RC3H1: variants seen among roughly 807,000 people sequenced by gnomAD.
RC3H1 encodes ring finger and CCCH-type domains 1, also known as roquin-1.
Under a neutral mutation model 138.2 loss-of-function variants are expected in RC3H1, and 50 were observed. The observed-to-expected ratio is 0.36, with a 90% CI of 0.29 to 0.46. The LOEUF is 0.46. RC3H1 is among the 20% of genes least tolerant of loss of function. The pLI, the probability that RC3H1 is intolerant of heterozygous loss-of-function variation, is 1.00. For synonymous variants in RC3H1, 462 were observed against 489.1 expected (o/e 0.94, Z 0.73); for missense variants, 1,031 against 1,388.1 (o/e 0.74, Z 4.09).
At chr1:173,990,890 C>T (rs1038553885) in intron 2 of RC3H1, among the ~76,000 whole-genome samples, 25 of 152,226 alleles carry the variant, frequency 1.6e-4, no homozygotes, top group Non-Finnish European at 3.2e-4. Context: ...GCGTGAACCA[C>T]TGTGCCTGGC....
chr1:173,967,833 T>G (rs1288285691), intron 9 of RC3H1, among the ~76,000 whole-genome samples: 1 of 152,202 alleles, frequency 6.6e-6, no homozygotes, highest in Non-Finnish European at 1.5e-5. Flanking sequence ...GATGCTGGGT[T>G]GCAGTTCTTA....
In RC3H1 at chr1:173,961,176, T is replaced by C; in HGVS notation, c.2271A>G (p.Arg757=). 6.2e-7 allele frequency: 1 copy of C among 1,614,106 alleles called. No individual in the cohort carries two copies. The highest frequency in any genetic ancestry group is 8.5e-7 in the Non-Finnish European group (1 of 1,180,002). The part of the protein sequence containing the change: ...PHPSLDELHR[R]RKEIMAQLEE... ...CTAGCTGGGCCATTATTTCCTTTCGTCGGCGATGTAGTTCATCTAGACTAG... is the reference window on the plus strand; with the variant it reads ...CTAGCTGGGCCATTATTTCCTTTCGCCGGCGATGTAGTTCATCTAGACTAG... The change falls in exon 13 of 20, where the codon CGA becomes CGG. Residue 757 remains arginine (R), a synonymous_variant. Coordinates refer to ENST00000367696, the MANE Select transcript of RC3H1 (RefSeq NM_172071.4).
intron 13 of RC3H1, among the ~76,000 whole-genome samples, chr1:173,956,203 AC>A (rs1659641518): frequency 6.6e-6 from 1 of 151,794 alleles, no homozygotes; most frequent in Admixed American, 6.6e-5. Context: ...AATGCTACCT[AC>A]CTACCAGTCA....
chr1:174,013,642 A>G (rs1661808807), intron 1 of RC3H1, among the ~76,000 whole-genome samples: 1 of 152,038 alleles, frequency 6.6e-6, no homozygotes, highest in Non-Finnish European at 1.5e-5. Context: ...GGGTTTCACC[A>G]TGTTGGCCAG....
chr1:173,971,004 C>T (rs1432181321), intron 8 of RC3H1, among the ~76,000 whole-genome samples: 4 of 150,056 alleles, frequency 2.7e-5, no homozygotes, highest in African/African-American at 4.9e-5. Flanking sequence ...CTCTGTTGCC[C>T]GGGCTGGAGG....
chr1:173,953,117 C>T (rs892332438), intron 13 of RC3H1, among the ~76,000 whole-genome samples: 1 of 152,142 alleles, frequency 6.6e-6, no homozygotes, highest in African/African-American at 2.4e-5. Flanking sequence ...ACTAATATCA[C>T]TCATTGTCAA....
Position 173,935,136 on chromosome 1 carries a change from T to C in RC3H1, c.*3585A>G, listed in dbSNP as rs1658527388. 1 of 152,228 alleles carries C rather than the reference T, an allele frequency of 6.6e-6. No homozygotes were observed. The highest frequency in any genetic ancestry group is 1.5e-5 in the Non-Finnish European group (1 of 68,034). The allele number at this position is 152,228 out of a possible 1,614,324, so 9.4% of individuals were successfully genotyped here. ...CTAGAAATCTAGCTAACTCTTCTTT[T>C]AATTAGAAAAGTAATAAGGAATGGA... is the stretch of plus-strand genomic sequence containing the variant. On this transcript the variant is annotated 3_prime_UTR_variant, in exon 20 of 20. Coordinates refer to ENST00000367696, the MANE Select transcript of RC3H1 (RefSeq NM_172071.4).
intron 3 of RC3H1, among the ~76,000 whole-genome samples, chr1:173,984,091 T>C (rs991593628): frequency 2.0e-5 from 3 of 152,208 alleles, no homozygotes; most frequent in African/African-American, 7.2e-5. Context: ...ATACCGCCTA[T>C]AGCATAGCAT....
At chr1:174,013,467 C>T (rs897496739) in intron 1 of RC3H1, among the ~76,000 whole-genome samples, 8 of 151,082 alleles carry the variant, frequency 5.3e-5, no homozygotes, top group Non-Finnish European at 8.9e-5. Flanking sequence ...TTTTGAGACA[C>T]GGTCTCACTC....
chr1:174,018,903 T>C (rs944000739), intron 1 of RC3H1, among the ~76,000 whole-genome samples: 1 of 152,146 alleles, frequency 6.6e-6, no homozygotes, highest in African/African-American at 2.4e-5. Flanking sequence ...ATTAGACCCA[T>C]CAGAATCCAT....
Position 173,936,757 on chromosome 1 carries a change from A to AT in RC3H1, c.*1963dup. The AT allele has an allele frequency of 3.4e-5, 1 of 29,266 alleles. No individual in the cohort carries two copies. Among genetic ancestry groups the AT allele is most frequent in the East Asian group, 1.4e-3 (1 of 704 alleles). 1.8% of individuals were successfully genotyped at this position (29,266 alleles called of 1,614,324 possible). A position where few individuals can be genotyped will look rare whatever the true frequency, so the allele number is the denominator to read the frequency against. On this transcript the variant is annotated 3_prime_UTR_variant, in exon 20 of 20. Coordinates refer to ENST00000367696, the MANE Select transcript of RC3H1 (RefSeq NM_172071.4). ...TATATATATATATATATATATATAT[A>AT]TATATTTTTTTTTTTTTTTTTAAAA...
At chr1:174,019,940 T>C (rs945837632) in intron 1 of RC3H1, among the ~76,000 whole-genome samples, 6 of 152,104 alleles carry the variant, frequency 3.9e-5, no homozygotes, top group Non-Finnish European at 5.9e-5. Context: ...GAAAATGATA[T>C]TAAATATGAG....
intron 1 of RC3H1, among the ~76,000 whole-genome samples, chr1:173,994,117 C>T (rs954250397): frequency 4.0e-5 from 6 of 149,786 alleles, no homozygotes; most frequent in African/African-American, 2.5e-5. Context: ...GACAGCCAGG[C>T]GCGGTGTCTC....
intron 1 of RC3H1, among the ~76,000 whole-genome samples, chr1:173,997,459 T>TTA (rs944317231): frequency 1.1e-4 from 17 of 152,168 alleles, no homozygotes; most frequent in Non-Finnish European, 2.1e-4. Context: ...TATCAAAACT[T>TTA]ATTAGTTCTT....
At chr1:174,020,506 T>C (rs1661937421) in intron 1 of RC3H1, among the ~76,000 whole-genome samples, 1 of 152,174 alleles carries the variant, frequency 6.6e-6, no homozygotes. Context: ...AGATATTAAC[T>C]GGCATCTTTT....
At chr1:174,016,642 ATTTT>A (rs975101399) in intron 1 of RC3H1, among the ~76,000 whole-genome samples, 1 of 151,286 alleles carries the variant, frequency 6.6e-6, no homozygotes, top group African/African-American at 2.4e-5. Flanking sequence ...AAAATTTTAA[ATTTT>A]TTTTGTACTT....
intron 2 of RC3H1, among the ~76,000 whole-genome samples, chr1:173,989,580 A>C (rs1453710810): frequency 6.6e-6 from 1 of 151,960 alleles, no homozygotes; most frequent in African/African-American, 2.4e-5. Context: ...TCACATCTTG[A>C]AAAAAACCCA....
At chr1:173,946,386 G>GT (rs1372392115) in intron 17 of RC3H1, 90 bp downstream of exon 17, 6 of 1,248,334 alleles carry the variant, frequency 4.8e-6, no homozygotes, top group African/African-American at 1.5e-5. Context: ...AGACCTTAAA[G>GT]TTTTTTGTTC....
intron 11 of RC3H1, among the ~76,000 whole-genome samples, chr1:173,963,724 T>A (rs1265365940): frequency 6.6e-6 from 1 of 152,192 alleles, no homozygotes; most frequent in African/African-American, 2.4e-5. Flanking sequence ...TTTCCATAAA[T>A]ATTATATATG....
Sources: gnomAD v4.1 joint callset for allele counts (sites outside exome capture counted in the v4.1 genomes callset) on GRCh38, gnomAD v4.1.1 for gene constraint, MANE v1.5 for transcripts, NCBI Gene and HGNC (gene_info 2026-07-23, HGNC 2026-07-21) for gene names.